SMARCA2: variants seen among roughly 807,000 people sequenced by gnomAD.
SMARCA2 encodes the protein SWI/SNF-related matrix-associated actin-dependent regulator of chromatin subfamily A member 2.
In SMARCA2, 61 loss-of-function variants were observed where a neutral mutation model predicts 199.8. That is an observed-to-expected ratio of 0.31 (90% CI 0.25 to 0.38). The LOEUF is 0.38. SMARCA2 is among the 10% of genes least tolerant of loss of function. The pLI is 1.00. For missense variants in SMARCA2, 1,344 were observed against 2,012.2 expected (o/e 0.67, Z 6.35); for synonymous variants, 935 against 732.0 (o/e 1.28, Z -4.48).
chr9:2,106,648 C>T (rs183816594), intron 23 of SMARCA2, among the ~76,000 whole-genome samples: 1 of 152,194 alleles, frequency 6.6e-6, no homozygotes, highest in African/African-American at 2.4e-5. Flanking sequence ...ATTTTCATTG[C>T]TGAATTTGAT....
At position 2,169,819 on chromosome 9, in the gene SMARCA2, C is replaced by T. The variant is rs1043532221; in HGVS notation, c.4200-600C>T. On this transcript the variant is annotated intron_variant, in intron 28 of 33. Transcript: ENST00000349721. This position sits in a 1 kb window ranked among gnomAD's most constrained non-coding sequence, Gnocchi z 6.5. ...TAGAGGCTTGTAGAAGTGCCCAAGA[C>T]GCCAGGTGGTGGTTTATTTTCATTT... is the stretch of plus-strand genomic sequence containing the variant. Among the ~76,000 whole-genome samples, 7 of 152,098 alleles carry T rather than the reference C, an allele frequency of 4.6e-5. No homozygotes were observed. Among genetic ancestry groups the T allele is most frequent in the East Asian group, 1.9e-4 (1 of 5,182 alleles).
intron 19 of SMARCA2, 118 bp downstream of exon 19, chr9:2,088,731 C>A: frequency 1.4e-6 from 1 of 717,704 alleles, no homozygotes; most frequent in South Asian, 1.7e-5. Flanking sequence ...TTAATAGTAT[C>A]TTGAAAATAT....
rs1346602814 is a variant in SMARCA2 at position 2,086,587 on chromosome 9, A to C, written c.2527-242A>C. Among the ~76,000 whole-genome samples, 1 of 152,214 alleles carries C rather than the reference A, an allele frequency of 6.6e-6. No individual in the cohort carries two copies. The highest frequency in any genetic ancestry group is 1.5e-5 in the Non-Finnish European group (1 of 68,038). ...GACCCAAATTTCCTTCTTTGTAAAA[A>C]GTTGATTTGGAATTACGTGGTCTGT... On this transcript the variant is annotated intron_variant, in intron 17 of 33. Transcript: ENST00000349721. The surrounding 1 kb of genome is among the most constrained non-coding windows in gnomAD (Gnocchi z 4.3).
At chr9:2,065,128 T>G (rs1208693425) in intron 9 of SMARCA2, among the ~76,000 whole-genome samples, 12 of 151,938 alleles carry the variant, frequency 7.9e-5, no homozygotes, top group Non-Finnish European at 1.2e-4. Flanking sequence ...GAGGTTGCAG[T>G]GAGCCGAGAC....
At chr9:2,126,276 G>T (rs183498207) in intron 27 of SMARCA2, among the ~76,000 whole-genome samples, 13 of 152,328 alleles carry the variant, frequency 8.5e-5, no homozygotes, top group African/African-American at 2.9e-4. Flanking sequence ...CAAGAAGGAC[G>T]AAACTGTTCT....
intron 27 of SMARCA2, among the ~76,000 whole-genome samples, chr9:2,154,383 AGCCTC>A: frequency 6.6e-6 from 1 of 152,340 alleles, no homozygotes; most frequent in Middle Eastern, 3.4e-3. Flanking sequence ...TATATTAGAC[AGCCTC>A]AAACTACTAT....
At chr9:2,160,958 AC>A in intron 27 of SMARCA2, 1 of 220,906 alleles carries the variant, frequency 4.5e-6, no homozygotes, top group Non-Finnish European at 8.9e-6. Context: ...TTTCTTTTAT[AC>A]CTGGTTGTTT....
chr9:2,058,064 C>T, intron 7 of SMARCA2: 2 of 416,322 alleles, frequency 4.8e-6, no homozygotes. Flanking sequence ...GGAGGCTTCT[C>T]TTGCTAAAGC....
rs185473767 is a variant in SMARCA2 at position 2,058,647 on chromosome 9, C to G, written c.1521+183C>G. On this transcript the variant is annotated intron_variant, in intron 8 of 33. Transcript: ENST00000349721. ...TTTCTCTTTCCTGGAGAATGCATGC[C>G]AAAAATCTAGGGGGATGACTGATGC... Among the ~76,000 whole-genome samples the G allele has an allele frequency of 1.8e-3, 279 of 152,178 alleles. 1 individual carries two copies. Among genetic ancestry groups the G allele is most frequent in the Admixed American group, 5.1e-3 (78 of 15,302 alleles).
At chr9:2,062,429 T>G (rs6475456) in intron 9 of SMARCA2, among the ~76,000 whole-genome samples, 1 of 151,954 alleles carries the variant, frequency 6.6e-6, no homozygotes, top group Non-Finnish European at 1.5e-5. Flanking sequence ...AATGACCCAG[T>G]TTTGAGATTA....
chr9:2,069,472 TGGCGTGAACACGGGA>T (rs1272328602), intron 9 of SMARCA2, among the ~76,000 whole-genome samples: 1 of 149,690 alleles, frequency 6.7e-6, no homozygotes, highest in African/African-American at 2.5e-5. Context: ...GGCAGGAGAA[TGGCGTGAACACGGGA>T]GGCGGAGCTT....
intron 1 of SMARCA2, among the ~76,000 whole-genome samples, chr9:2,021,529 T>A (rs1317906187): frequency 6.6e-6 from 1 of 152,216 alleles, no homozygotes; most frequent in Non-Finnish European, 1.5e-5. Flanking sequence ...GGAGATGCTT[T>A]ATCACACATG....
chr9:2,033,281 C>T, intron 3 of SMARCA2, 200 bp downstream of exon 3: 1 of 536,238 alleles, frequency 1.9e-6, no homozygotes, highest in African/African-American at 1.9e-5. Flanking sequence ...TTCCGAAGTC[C>T]TAGTAATTTT....
In SMARCA2 at chr9:2,080,068, G is replaced by T. The variant is rs1029932896; in HGVS notation, c.2185-1764G>T. ...CCGCCTGATGAGATCTCACAAACCA[G>T]TTCAAGTTGTGGCTCAAACCTTCCC... is the stretch of plus-strand genomic sequence containing the variant. On this transcript the variant is annotated intron_variant, in intron 14 of 33. Transcript: ENST00000349721. 2.0e-5 allele frequency: 3 copies of T among 152,276 alleles called. No homozygotes were observed. In the South Asian group the frequency reaches 6.2e-4, roughly 32 times the overall value. The allele number at this position is 152,276 out of a possible 1,614,324, so 9.4% of individuals were successfully genotyped here. A position where few individuals can be genotyped will look rare whatever the true frequency, so the allele number is the denominator to read the frequency against.
Position 2,191,328 on chromosome 9 carries a change from A to C in SMARCA2, c.4657A>C (p.Lys1553Gln). 2 of 1,614,154 alleles carry C rather than the reference A, an allele frequency of 1.2e-6. No individual in the cohort carries two copies. Among genetic ancestry groups the C allele is most frequent in the South Asian group, 2.2e-5 (2 of 91,078 alleles). The change falls in exon 33 of 34, where the codon AAA becomes CAA. Residue 1553 changes from lysine (K) to glutamine (Q), a missense_variant. Coordinates refer to ENST00000349721, the MANE Select transcript of SMARCA2 (RefSeq NM_003070.5). ...AGATGACAAAGGCCGGGACAAAGGG[A>C]AAGGCAAGAAAAGGCCAAATCGAGG... The part of the protein sequence containing the change: ...KKDDKGRDKG[K>Q]GKKRPNRGKA...
At chr9:2,106,354 A>G (rs1822754089) in intron 23 of SMARCA2, among the ~76,000 whole-genome samples, 1 of 152,234 alleles carries the variant, frequency 6.6e-6, no homozygotes, top group Non-Finnish European at 1.5e-5. Flanking sequence ...GACTAATTGC[A>G]AACCACCATG....
At chr9:2,128,672 G>A (rs1563787899) in intron 27 of SMARCA2, among the ~76,000 whole-genome samples, 2 of 152,208 alleles carry the variant, frequency 1.3e-5, no homozygotes, top group Non-Finnish European at 2.9e-5. Context: ...ACTGTATTTG[G>A]GATCACATAG....
At chr9:2,029,573 A>G (rs777278482) in intron 2 of SMARCA2, among the ~76,000 whole-genome samples, 1 of 152,096 alleles carries the variant, frequency 6.6e-6, no homozygotes, top group Non-Finnish European at 1.5e-5. Flanking sequence ...ATTTTTTCCT[A>G]TCTGTGTTAA....
At chr9:2,120,031 T>C (rs1823386293) in intron 26 of SMARCA2, among the ~76,000 whole-genome samples, 1 of 152,200 alleles carries the variant, frequency 6.6e-6, no homozygotes, top group Non-Finnish European at 1.5e-5. Context: ...GGGAGATAGG[T>C]GGACAACAGC....
Sources: gnomAD v4.1 joint callset for allele counts (sites outside exome capture counted in the v4.1 genomes callset) on GRCh38, gnomAD v4.1.1 for gene constraint, Gnocchi (gnomAD v3.1) non-coding constraint, MANE v1.5 for transcripts, NCBI Gene and HGNC (gene_info 2026-07-23, HGNC 2026-07-21) for gene names.